The following AHI1 variants were observed in gnomAD, a reference collection of about 807,000 sequenced individuals.
The protein encoded by AHI1 is Abelson helper integration site 1, also known as jouberin.
AHI1 carries 123 observed loss-of-function variants against 149.3 expected under a neutral mutation model. The ratio of observed to expected loss-of-function variants is 0.82; its 90% confidence interval spans 0.71 to 0.96. The LOEUF is 0.96. AHI1 is among the 40% of genes least tolerant of loss of function. The probability of loss-of-function intolerance (pLI) is 0.00; values close to 1 mark genes in which losing one functional copy is unlikely to be tolerated. For missense variants in AHI1, 1,439 were observed against 1,422.7 expected (o/e 1.01, Z -0.18); for synonymous variants, 475 against 459.8 (o/e 1.03, Z -0.42).
intron 27 of AHI1, among the ~76,000 whole-genome samples, chr6:135,298,550 T>G (rs1783448095): frequency 6.6e-6 from 1 of 152,208 alleles, no homozygotes; most frequent in Admixed American, 6.5e-5. Flanking sequence ...TTGTACATGC[T>G]GGGCTCTAGT....
rs955404083 is a variant in AHI1 at position 135,285,225 on chromosome 6, G to C, written c.*420C>G. ...TTCAAAAACAGATACTTCATATTCT[G>C]GGCATAGCATCACACATACAACCAT... On this transcript the variant is annotated 3_prime_UTR_variant, in exon 29 of 29. Transcript: ENST00000265602. 1.1e-5 allele frequency: 2 copies of C among 187,574 alleles called. No homozygotes were observed. The highest frequency in any genetic ancestry group is 4.9e-5 in the African/African-American group (2 of 40,752). The allele number at this position is 187,574 out of a possible 1,614,324, so 11.6% of individuals were successfully genotyped here. A position where few individuals can be genotyped will look rare whatever the true frequency, so the allele number is the denominator to read the frequency against.
intron 23 of AHI1, among the ~76,000 whole-genome samples, chr6:135,385,638 T>C (rs1777472215): frequency 6.6e-6 from 1 of 152,176 alleles, no homozygotes; most frequent in South Asian, 2.1e-4. Flanking sequence ...ATAGAAGCTA[T>C]CTGACTATGA....
chr6:135,347,102 C>T (rs1791351506), intron 24 of AHI1, among the ~76,000 whole-genome samples: 2 of 152,306 alleles, frequency 1.3e-5, no homozygotes, highest in Non-Finnish European at 1.5e-5. Context: ...TAGAAATTGG[C>T]TTTCTTAGAT....
intron 28 of AHI1, among the ~76,000 whole-genome samples, chr6:135,289,895 C>G (rs1198972968): frequency 6.6e-6 from 1 of 151,964 alleles, no homozygotes; most frequent in Non-Finnish European, 1.5e-5. Context: ...GGCAGGCCTT[C>G]CCTATACCCC....
At chr6:135,358,305 A>G (rs1562570545) in intron 23 of AHI1, 118 bp from the exon 24 acceptor site, 1 of 888,588 alleles carries the variant, frequency 1.1e-6, no homozygotes, top group Non-Finnish European at 1.8e-6. Flanking sequence ...TTCCAAGAAA[A>G]AAGTCTCACT....
chr6:135,462,385 A>G (rs1249224318), intron 8 of AHI1, among the ~76,000 whole-genome samples: 1 of 152,062 alleles, frequency 6.6e-6, no homozygotes, highest in African/African-American at 2.4e-5. Flanking sequence ...TGAGAAAGGA[A>G]AGAAGTGGTA....
intron 20 of AHI1, 96 bp downstream of exon 20, chr6:135,427,071 A>G: frequency 8.0e-7 from 1 of 1,246,878 alleles, no homozygotes; most frequent in Non-Finnish European, 1.1e-6. Flanking sequence ...TATTATGTGT[A>G]CTTTTGTCAA....
chr6:135,380,013 CTCCT>C (rs1226463124), intron 23 of AHI1, among the ~76,000 whole-genome samples: 59 of 125,936 alleles, frequency 4.7e-4, no homozygotes, highest in South Asian at 1.2e-3. Context: ...CTCTTCCTCC[CTCCT>C]TCCTTCCTTC....
intron 5 of AHI1, among the ~76,000 whole-genome samples, chr6:135,470,482 T>C (rs1433472620): frequency 6.6e-6 from 1 of 152,138 alleles, no homozygotes; most frequent in Non-Finnish European, 1.5e-5. Flanking sequence ...CCCAAAGGAA[T>C]ATATGTCATT....
chr6:135,290,226 G>A (rs1381849047), intron 28 of AHI1, among the ~76,000 whole-genome samples, 197 bp downstream of exon 28: 1 of 152,016 alleles, frequency 6.6e-6, no homozygotes, highest in East Asian at 1.9e-4. Flanking sequence ...GAGACAATCT[G>A]ATTTATGCTT....
chr6:135,370,071 T>A (rs941477114), intron 23 of AHI1, among the ~76,000 whole-genome samples: 30 of 152,244 alleles, frequency 2.0e-4, no homozygotes, highest in African/African-American at 7.2e-4. Context: ...TTTCTGCTAA[T>A]TCACATGCCT....
At chr6:135,333,426 A>G (rs1238905742) in intron 24 of AHI1, among the ~76,000 whole-genome samples, 1 of 152,206 alleles carries the variant, frequency 6.6e-6, no homozygotes, top group African/African-American at 2.4e-5. Context: ...AGAAACATAC[A>G]GTCCCTTACC....
chr6:135,463,080 T>C (rs1426887141), intron 8 of AHI1, 45 bp downstream of exon 8: 3 of 1,485,352 alleles, frequency 2.0e-6, no homozygotes, highest in African/African-American at 1.4e-5. Flanking sequence ...AATCAAGTTA[T>C]TTCTACCAAC....
chr6:135,437,610 T>A (rs1785602396), intron 15 of AHI1, among the ~76,000 whole-genome samples: 2 of 152,104 alleles, frequency 1.3e-5, no homozygotes, highest in South Asian at 4.1e-4. Flanking sequence ...TAACACGAAG[T>A]GTTAAGAGAG....
chr6:135,396,312 T>C (rs537810259), intron 22 of AHI1, among the ~76,000 whole-genome samples: 1 of 151,808 alleles, frequency 6.6e-6, no homozygotes, highest in South Asian at 2.1e-4. Context: ...AACAACAAAC[T>C]CATTTGATAT....
chr6:135,335,114 C>A (rs9321502), intron 24 of AHI1, among the ~76,000 whole-genome samples: 93,383 of 152,010 alleles, frequency 0.61, 28,694 homozygotes, highest in East Asian at 0.67. Context: ...GCCAAACTTA[C>A]GAAATTAACC....
At chr6:135,365,012 A>T (rs1773957893) in intron 23 of AHI1, among the ~76,000 whole-genome samples, 1 of 152,202 alleles carries the variant, frequency 6.6e-6, no homozygotes, top group South Asian at 2.1e-4. Flanking sequence ...GTGAGAGATG[A>T]GGATCCAGTT....
At chr6:135,495,967 CATT>C (rs1377631990) in intron 2 of AHI1, 69 bp from the exon 3 acceptor site, 1 of 152,030 alleles carries the variant, frequency 6.6e-6, no homozygotes, top group Admixed American at 6.5e-5. Context: ...ACTTTATGTC[CATT>C]ATTATTGTAT....
At chr6:135,438,918 T>A (rs1165867545) in intron 14 of AHI1, among the ~76,000 whole-genome samples, 1 of 152,192 alleles carries the variant, frequency 6.6e-6, no homozygotes, top group Non-Finnish European at 1.5e-5. Context: ...ATTTAAATTG[T>A]GCTATTGTCA....
Sources: allele counts gnomAD v4.1 joint callset (sites outside exome capture counted in the v4.1 genomes callset), GRCh38; gene constraint gnomAD v4.1.1; transcripts MANE v1.5; gene names NCBI Gene and HGNC (gene_info 2026-07-23, HGNC 2026-07-21).